The following PEX3 variants were observed in gnomAD, a reference collection of about 807,000 sequenced individuals.
The protein encoded by PEX3 is peroxin-3.
In PEX3, 30 loss-of-function variants were observed where a neutral mutation model predicts 55.8. The observed-to-expected ratio is 0.54, with a 90% CI of 0.40 to 0.73. The LOEUF (loss-of-function observed/expected upper bound fraction) is 0.73, where lower values mean the gene tolerates loss of function less well. Among genes scored for constraint, PEX3 ranks in the 30% least tolerant of loss-of-function variants. The pLI, the probability that PEX3 is intolerant of heterozygous loss-of-function variation, is 0.00. For missense variants in PEX3, 351 were observed against 432.8 expected (o/e 0.81, Z 1.68); for synonymous variants, 135 against 148.4 (o/e 0.91, Z 0.66).
In PEX3 at chr6:143,462,610, A is replaced by G. The variant is rs1779937443; in HGVS notation, c.206-306A>G. Among the ~76,000 whole-genome samples the G allele has an allele frequency of 1.3e-5, 2 of 152,230 alleles. No individual in the cohort carries two copies. The highest frequency in any genetic ancestry group is 2.9e-5 in the Non-Finnish European group (2 of 68,032). On this transcript the variant is annotated intron_variant, in intron 2 of 11. Coordinates refer to ENST00000367591, the MANE Select transcript of PEX3 (RefSeq NM_003630.3). This position sits in a 1 kb window ranked among gnomAD's most constrained non-coding sequence, Gnocchi z 4.1. The stretch of plus-strand genomic sequence containing the variant: ...AAAAAAAAGGAATTGTTCATAATCC[A>G]TAGCTCAAAGACCACCACTGTTAAA...
At position 143,479,291 on chromosome 6, in the gene PEX3, A is replaced by C; in HGVS notation, c.941+93A>C. On this transcript the variant is annotated intron_variant, in intron 10 of 11. Coordinates refer to ENST00000367591, the MANE Select transcript of PEX3 (RefSeq NM_003630.3). The surrounding 1 kb of genome is among the most constrained non-coding windows in gnomAD (Gnocchi z 4.6). Reference sequence around the variant, plus strand: ...TGTTCCAGATAACAACAACAAACCTATTAAATTTGAGTGCCTCATTTTTTA... The same window carrying C: ...TGTTCCAGATAACAACAACAAACCTCTTAAATTTGAGTGCCTCATTTTTTA... 1 of 995,070 alleles carries C rather than the reference A, an allele frequency of 1.0e-6. No individual in the cohort carries two copies. Among genetic ancestry groups the C allele is most frequent in the Middle Eastern group, 2.1e-4 (1 of 4,750 alleles). The allele number at this position is 995,070 out of a possible 1,614,324, so 61.6% of individuals were successfully genotyped here.
rs1779993991 is a variant in PEX3, at chr6:143,466,524, C to T, written c.288-1598C>T. Among the ~76,000 whole-genome samples, 1 of 152,048 alleles carries T rather than the reference C, an allele frequency of 6.6e-6. No individual in the cohort carries two copies. Among genetic ancestry groups the T allele is most frequent in the African/African-American group, 2.4e-5 (1 of 41,438 alleles). ...GTGAGTTATTGTTGTTAATTTTTTACACTGCCTAGTTTATAAATTAAACTT... is the reference window on the plus strand; with the variant it reads ...GTGAGTTATTGTTGTTAATTTTTTATACTGCCTAGTTTATAAATTAAACTT... On this transcript the variant is annotated intron_variant, in intron 3 of 11. Transcript: ENST00000367591. The surrounding 1 kb of genome is among the most constrained non-coding windows in gnomAD (Gnocchi z 5.4).
At chr6:143,461,937 G>A (rs1779925765) in intron 2 of PEX3, among the ~76,000 whole-genome samples, 2 of 152,184 alleles carry the variant, frequency 1.3e-5, no homozygotes, top group African/African-American at 4.8e-5. Context: ...GACAGTGTGA[G>A]ATTCTGTCTC....
At position 143,451,164 on chromosome 6, in the gene PEX3, G is replaced by A. The variant is rs202065042; in HGVS notation, c.73+49G>A. On this transcript the variant is annotated intron_variant, in intron 1 of 11. Coordinates refer to ENST00000367591, the MANE Select transcript of PEX3 (RefSeq NM_003630.3). The surrounding 1 kb of genome is among the most constrained non-coding windows in gnomAD (Gnocchi z 4.1). The stretch of plus-strand genomic sequence containing the variant: ...GGGGCATTGGGAGAAGGGGGTGGGA[G>A]AGGTGACTTCTTCTAAAATAAGGAC... 509 of 1,285,604 alleles carry A rather than the reference G, an allele frequency of 4.0e-4. 4 individuals are homozygous for A. In the African/African-American group the frequency reaches 6.8e-3, roughly 17 times the overall value. 79.6% of individuals were successfully genotyped at this position (1,285,604 alleles called of 1,614,324 possible).
chr6:143,454,192 C>T lies in PEX3; in HGVS notation c.73+3077C>T, dbSNP rs1000241185. On this transcript the variant is annotated intron_variant, in intron 1 of 11. Coordinates refer to ENST00000367591, the MANE Select transcript of PEX3 (RefSeq NM_003630.3). The surrounding 1 kb of genome is among the most constrained non-coding windows in gnomAD (Gnocchi z 4.3). The stretch of plus-strand genomic sequence containing the variant: ...ATTCTCATCTCTTTCTATATTCTGT[C>T]AGTTGTGGTATCACACATCATGTAA... 6.6e-6 allele frequency among the ~76,000 whole-genome samples: 1 copy of T among 152,288 alleles called. No homozygotes were observed. The highest frequency in any genetic ancestry group is 1.9e-4 in the East Asian group (1 of 5,188).
chr6:143,474,712 A>G, intron 8 of PEX3, 74 bp from the exon 9 acceptor site: 1 of 833,252 alleles, frequency 1.2e-6, no homozygotes, highest in Non-Finnish European at 2.1e-6. Context: ...CTCTTTATTT[A>G]TGAATGTGAT....
In PEX3 at chr6:143,450,947, G is replaced by T. The variant is rs375554173; in HGVS notation, c.-96G>T. On this transcript the variant is annotated 5_prime_UTR_variant, in exon 1 of 12. Coordinates refer to ENST00000367591, the MANE Select transcript of PEX3 (RefSeq NM_003630.3). ...GGAGAGCACAGAACGGGACGACGGC[G>T]CTCTTGCTGGGTCATCTGGGCCAGG... 465 of 935,040 alleles carry T rather than the reference G, an allele frequency of 5.0e-4. 1 individual carries two copies. The African/African-American group carries it at 6.8e-3, about 14-fold the overall frequency. 57.9% of individuals were successfully genotyped at this position (935,040 alleles called of 1,614,324 possible).
In PEX3 at chr6:143,485,318, A is replaced by G. The variant is rs1780303203; in HGVS notation, c.1038+70A>G. 1.1e-6 allele frequency: 1 copy of G among 870,682 alleles called. No individual in the cohort carries two copies. The highest frequency in any genetic ancestry group is 1.6e-5 in the African/African-American group (1 of 60,734). 53.9% of individuals were successfully genotyped at this position (870,682 alleles called of 1,614,324 possible). On this transcript the variant is annotated intron_variant, in intron 11 of 11. Coordinates refer to ENST00000367591, the MANE Select transcript of PEX3 (RefSeq NM_003630.3). The surrounding 1 kb of genome is among the most constrained non-coding windows in gnomAD (Gnocchi z 5.6). ...GTGGTGGTGGTCATGTTTGTCTAAC[A>G]TAAAGTTACATTCTCTGCTGAGAGG...
chr6:143,450,821 T>C lies in PEX3; in HGVS notation c.-222T>C, dbSNP rs7741261. ...TGTCGGACCAGTGAGCGGCGGCGGC[T>C]GCGCGGCGGCAGCGGCAGAAAGCGT... On this transcript the variant is annotated 5_prime_UTR_variant, in exon 1 of 12. Transcript: ENST00000367591. The C allele has an allele frequency of 2.6e-5, 21 of 798,556 alleles. No individual in the cohort carries two copies. The highest frequency in any genetic ancestry group is 4.3e-5 in the Non-Finnish European group (21 of 490,330). 49.5% of individuals were successfully genotyped at this position (798,556 alleles called of 1,614,324 possible). A position where few individuals can be genotyped will look rare whatever the true frequency, so the allele number is the denominator to read the frequency against.
At chr6:143,456,420 T>C (rs149466809) in intron 1 of PEX3, among the ~76,000 whole-genome samples, 8 of 152,314 alleles carry the variant, frequency 5.3e-5, no homozygotes, top group African/African-American at 1.9e-4. Flanking sequence ...AGTTCAGTGC[T>C]AAAATCAAGA....
In PEX3 at chr6:143,485,499, T is replaced by G. The variant is rs1780306171; in HGVS notation, c.1038+251T>G. Among the ~76,000 whole-genome samples the G allele has an allele frequency of 6.6e-6, 1 of 151,988 alleles. No individual in the cohort carries two copies. Among genetic ancestry groups the G allele is most frequent in the Non-Finnish European group, 1.5e-5 (1 of 67,958 alleles). On this transcript the variant is annotated intron_variant, in intron 11 of 11. Transcript: ENST00000367591. This position sits in a 1 kb window ranked among gnomAD's most constrained non-coding sequence, Gnocchi z 5.6. ...GGACTACATTTTAGTCCAGGTGTAT[T>G]ATAGTGGTCAGTTGAATTTATATAG...
At chr6:143,474,764 G>A (rs761178959) in intron 8 of PEX3, 22 bp from the exon 9 acceptor site, 1 of 1,330,402 alleles carries the variant, frequency 7.5e-7, no homozygotes, top group South Asian at 1.2e-5. Flanking sequence ...AAAACCTTAA[G>A]TGTGACATTT....
chr6:143,473,381 A>G (rs537232600), intron 8 of PEX3, among the ~76,000 whole-genome samples: 164 of 152,358 alleles, frequency 1.1e-3, no homozygotes, highest in African/African-American at 3.4e-3. Context: ...AGGAGACGCA[A>G]TAAGAGTATT....
At chr6:143,455,437 G>T (rs1446669425) in intron 1 of PEX3, among the ~76,000 whole-genome samples, 1 of 135,904 alleles carries the variant, frequency 7.4e-6, no homozygotes, top group South Asian at 2.3e-4. Context: ...GGATGGTCTC[G>T]ATTTCCTGAC....
In PEX3 at chr6:143,482,843, G is replaced by A. The variant is rs890602311; in HGVS notation, c.942-2309G>A. Among the ~76,000 whole-genome samples, 7 of 151,964 alleles carry A rather than the reference G, an allele frequency of 4.6e-5. No homozygotes were observed. The highest frequency in any genetic ancestry group is 6.6e-5 in the Admixed American group (1 of 15,254). ...CTAAGTAAAAACAAATATACTGATC[G>A]AAAACAGGTGACTATGTGACCTCAA... On this transcript the variant is annotated intron_variant, in intron 10 of 11. Transcript: ENST00000367591. The surrounding 1 kb of genome is among the most constrained non-coding windows in gnomAD (Gnocchi z 5.5).
rs578101008 is a variant in PEX3, at chr6:143,486,140, A to C, written c.1038+892A>C. 6.6e-6 allele frequency among the ~76,000 whole-genome samples: 1 copy of C among 152,058 alleles called. No homozygotes were observed. The highest frequency in any genetic ancestry group is 2.1e-4 in the South Asian group (1 of 4,824). ...TCACATGCACATTTTCCCACACTGG[A>C]CTCTTCAGTCTTCTGTCCTCTTTCT... On this transcript the variant is annotated intron_variant, in intron 11 of 11. Coordinates refer to ENST00000367591, the MANE Select transcript of PEX3 (RefSeq NM_003630.3). This position sits in a 1 kb window ranked among gnomAD's most constrained non-coding sequence, Gnocchi z 5.0.
rs1305069771 is a variant in PEX3, at chr6:143,482,939, AT to A, written c.942-2208del. The stretch of plus-strand genomic sequence containing the variant: ...AAAGAAGTCTAGGTTTGACTGTATA[AT>A]TTTTAAAACTTCAAGATCAAACAAG... On this transcript the variant is annotated intron_variant, in intron 10 of 11. Coordinates refer to ENST00000367591, the MANE Select transcript of PEX3 (RefSeq NM_003630.3). The surrounding 1 kb of genome is among the most constrained non-coding windows in gnomAD (Gnocchi z 5.5). 1.3e-5 allele frequency among the ~76,000 whole-genome samples: 2 copies of A among 152,144 alleles called. No individual in the cohort carries two copies. Among genetic ancestry groups the A allele is most frequent in the East Asian group, 3.8e-4 (2 of 5,202 alleles).
In PEX3 at chr6:143,464,817, A is replaced by G. The variant is rs1417331039; in HGVS notation, c.287+1820A>G. Among the ~76,000 whole-genome samples, 3 of 151,860 alleles carry G rather than the reference A, an allele frequency of 2.0e-5. No homozygotes were observed. The highest frequency in any genetic ancestry group is 7.2e-5 in the African/African-American group (3 of 41,420). ...CCTCCAATCTTATGACTGCTTTTAT[A>G]TTAATTTTATATGAGACTCTGGTCT... On this transcript the variant is annotated intron_variant, in intron 3 of 11. Coordinates refer to ENST00000367591, the MANE Select transcript of PEX3 (RefSeq NM_003630.3). This position sits in a 1 kb window ranked among gnomAD's most constrained non-coding sequence, Gnocchi z 5.8.
Position 143,489,054 on chromosome 6 carries a change from A to T in PEX3, c.1039-89A>T. The T allele has an allele frequency of 2.3e-6, 2 of 880,602 alleles. No homozygotes were observed. Among genetic ancestry groups the T allele is most frequent in the Non-Finnish European group, 3.9e-6 (2 of 519,416 alleles). The allele number at this position is 880,602 out of a possible 1,614,324, so 54.5% of individuals were successfully genotyped here. On this transcript the variant is annotated intron_variant, in intron 11 of 11. Transcript: ENST00000367591. This position sits in a 1 kb window ranked among gnomAD's most constrained non-coding sequence, Gnocchi z 5.5. The stretch of plus-strand genomic sequence containing the variant: ...CCTCTTGGCCTTTACCACAAAACTT[A>T]GAGCTGAATTCATCGCTTGATTGCA...
Sources: allele counts gnomAD v4.1 joint callset (sites outside exome capture counted in the v4.1 genomes callset), GRCh38; gene constraint gnomAD v4.1.1; non-coding constraint Gnocchi (gnomAD v3.1); transcripts MANE v1.5; gene names NCBI Gene and HGNC (gene_info 2026-07-23, HGNC 2026-07-21).